Variants in RSPO2 observed in about 807,000 individuals in gnomAD.
RSPO2 encodes the protein R-spondin 2.
In RSPO2, 14 loss-of-function variants were observed where a neutral mutation model predicts 30.9. That is an observed-to-expected ratio of 0.45 (90% CI 0.30 to 0.71). RSPO2 has a LOEUF of 0.71. Among genes scored for constraint, RSPO2 ranks in the 30% least tolerant of loss-of-function variants. The probability of loss-of-function intolerance (pLI) is 0.08; values close to 1 mark genes in which losing one functional copy is unlikely to be tolerated. For missense variants in RSPO2, 264 were observed against 301.9 expected, an observed-to-expected ratio of 0.87 and a Z score of 0.93; for synonymous variants, 107 against 96.4, an observed-to-expected ratio of 1.11 and a Z score of -0.64.
intron 3 of RSPO2, among the ~76,000 whole-genome samples, chr8:107,975,440 A>G (rs930675192): frequency 6.6e-6 from 1 of 152,220 alleles, no homozygotes; most frequent in Admixed American, 6.5e-5. Context: ...CTTTCATTGA[A>G]CTATTTAACT....
At chr8:107,963,984 G>GCTTT (rs1381435525) in intron 3 of RSPO2, among the ~76,000 whole-genome samples, 1 of 152,126 alleles carries the variant, frequency 6.6e-6, no homozygotes, top group African/African-American at 2.4e-5. Flanking sequence ...CAATAGTGTT[G>GCTTT]CTTTTCCTTC....
At chr8:108,052,159 T>C (rs1812097650) in intron 2 of RSPO2, among the ~76,000 whole-genome samples, 1 of 152,224 alleles carries the variant, frequency 6.6e-6, no homozygotes, top group Non-Finnish European at 1.5e-5. Context: ...AAATTAAATA[T>C]ATGCAGACTT....
At chr8:108,064,561 A>C (rs371385144) in intron 2 of RSPO2, among the ~76,000 whole-genome samples, 1 of 152,090 alleles carries the variant, frequency 6.6e-6, no homozygotes, top group East Asian at 1.9e-4. Context: ...AGGAACACTT[A>C]TACACTGTTG....
At chr8:108,054,073 T>C (rs1812159210) in intron 2 of RSPO2, among the ~76,000 whole-genome samples, 1 of 152,154 alleles carries the variant, frequency 6.6e-6, no homozygotes, top group Non-Finnish European at 1.5e-5. Context: ...AAAAATTATT[T>C]ATTGGATACC....
At chr8:108,082,498 C>G in intron 2 of RSPO2, 47 bp downstream of exon 2, 1 of 1,481,796 alleles carries the variant, frequency 6.7e-7, no homozygotes, top group Non-Finnish European at 9.4e-7. Context: ...CGCCTCCACA[C>G]GCCACCCCTG....
intron 3 of RSPO2, among the ~76,000 whole-genome samples, chr8:107,982,439 T>G (rs769777720): frequency 6.6e-6 from 1 of 152,206 alleles, no homozygotes; most frequent in Non-Finnish European, 1.5e-5. Flanking sequence ...TGTTTTGGAC[T>G]CTATCCTCTT....
intron 2 of RSPO2, among the ~76,000 whole-genome samples, chr8:108,081,080 TA>T (rs1020530472): frequency 6.6e-6 from 1 of 151,956 alleles, no homozygotes; most frequent in Non-Finnish European, 1.5e-5. Flanking sequence ...TTTCTGAAAA[TA>T]AACAATTTCC....
At chr8:108,048,906 C>T (rs1811989255) in intron 2 of RSPO2, among the ~76,000 whole-genome samples, 1 of 152,140 alleles carries the variant, frequency 6.6e-6, no homozygotes, top group Admixed American at 6.6e-5. Context: ...ATCTTTATTT[C>T]TGCCTTCATT....
intron 3 of RSPO2, among the ~76,000 whole-genome samples, chr8:107,973,382 A>G (rs564695013): frequency 0.046 from 7,039 of 152,156 alleles, 296 homozygotes; most frequent in African/African-American, 0.11. Context: ...GGTTTAAGGT[A>G]CAGTTGACCC....
intron 2 of RSPO2, among the ~76,000 whole-genome samples, chr8:108,030,105 C>A (rs1273219033): frequency 7.6e-6 from 1 of 132,386 alleles, no homozygotes; most frequent in Non-Finnish European, 1.5e-5. Flanking sequence ...AAAGTAGGGT[C>A]CTGGGATAGA....
At position 107,936,035 on chromosome 8, in the gene RSPO2, TAG is replaced by T. The variant is rs1485683553; in HGVS notation, c.616+22043_616+22044del. Among the ~76,000 whole-genome samples, 3 of 152,132 alleles carry T rather than the reference TAG, an allele frequency of 2.0e-5. No homozygotes were observed. The East Asian group carries it at 5.8e-4, about 29-fold the overall frequency. The stretch of plus-strand genomic sequence containing the variant: ...GCCACCCTACTCTGCTATCAAATAT[TAG>T]AGTTTATTTATTCTACCTATGTATA... On this transcript the variant is annotated intron_variant, in intron 5 of 5. Transcript: ENST00000276659.
rs1161517866 is a variant in RSPO2, at chr8:107,958,192, AC to A, written c.503del (p.Gly168ValfsTer14). The A allele has an allele frequency of 6.2e-7, 1 of 1,613,342 alleles. No individual in the cohort carries two copies. Among genetic ancestry groups the A allele is most frequent in the Non-Finnish European group, 8.5e-7 (1 of 1,179,774 alleles). ...RNNRTCGFKW[G>X]LETRTRQIVK... The stretch of plus-strand genomic sequence containing the variant: ...CAATTTGCCGTGTTCTGGTTTCCAG[AC>A]CCCATTTAAATCCACATGTGCGATT... On this transcript the variant is annotated frameshift_variant, in exon 5 of 6. Transcript: ENST00000276659. LOFTEE classifies it high-confidence loss of function.
At chr8:107,943,761 CT>C (rs1427190122) in intron 5 of RSPO2, among the ~76,000 whole-genome samples, 17 of 152,182 alleles carry the variant, frequency 1.1e-4, no homozygotes, top group African/African-American at 4.1e-4. Context: ...GCAACAGACA[CT>C]TGACATTTGA....
At chr8:107,970,063 T>C (rs1267990483) in intron 3 of RSPO2, among the ~76,000 whole-genome samples, 1 of 152,170 alleles carries the variant, frequency 6.6e-6, no homozygotes, top group Non-Finnish European at 1.5e-5. Flanking sequence ...AATCTCTTTA[T>C]ACTCCAAATA....
intron 3 of RSPO2, 62 bp from the exon 4 acceptor site, chr8:107,960,879 A>C (rs1456554489): frequency 2.2e-5 from 30 of 1,343,136 alleles, no homozygotes; most frequent in Non-Finnish European, 2.8e-5. Flanking sequence ...TTGTTTTACA[A>C]ATAAAATTTT....
At chr8:107,957,220 A>T (rs1360562390) in intron 5 of RSPO2, among the ~76,000 whole-genome samples, 1 of 152,250 alleles carries the variant, frequency 6.6e-6, no homozygotes, top group Non-Finnish European at 1.5e-5. Context: ...GAAAGAATGA[A>T]GGCAAACAAA....
At chr8:108,020,107 A>G (rs1231305205) in intron 2 of RSPO2, among the ~76,000 whole-genome samples, 2 of 151,112 alleles carry the variant, frequency 1.3e-5, no homozygotes, top group African/African-American at 4.9e-5. Context: ...AAGAAGAAAC[A>G]GTAGCTTTTC....
At chr8:108,021,133 G>A (rs1563567037) in intron 2 of RSPO2, among the ~76,000 whole-genome samples, 1 of 152,060 alleles carries the variant, frequency 6.6e-6, no homozygotes, top group Non-Finnish European at 1.5e-5. Flanking sequence ...CCCCAATTTA[G>A]TGCAACATTA....
chr8:108,027,529 C>T (rs1811262436), intron 2 of RSPO2, among the ~76,000 whole-genome samples: 1 of 152,022 alleles, frequency 6.6e-6, no homozygotes, highest in African/African-American at 2.4e-5. Flanking sequence ...TTCTTTATTA[C>T]CAAAGCATTT....
Sources: allele counts gnomAD v4.1 joint callset (sites outside exome capture counted in the v4.1 genomes callset), GRCh38; gene constraint gnomAD v4.1.1; transcripts MANE v1.5; gene names NCBI Gene and HGNC (gene_info 2026-07-23, HGNC 2026-07-21).